Variants in CHST9 observed in about 807,000 individuals in gnomAD.
CHST9 encodes the protein carbohydrate sulfotransferase 9.
Under a neutral mutation model 44.4 loss-of-function variants are expected in CHST9, and 41 were observed. That is an observed-to-expected ratio of 0.92 (90% confidence interval 0.72 to 1.20). The LOEUF is 1.20. Ranked by LOEUF, CHST9 falls within the 50% of genes most tolerant of loss-of-function variation. The pLI is 0.00. For synonymous variants in CHST9, 171 were observed against 178.4 expected, an observed-to-expected ratio of 0.96 and a Z score of 0.33; for missense variants, 504 against 516.5, an observed-to-expected ratio of 0.98 and a Z score of 0.23.
At chr18:27,151,145 T>C (rs1051529076) in intron 1 of CHST9, among the ~76,000 whole-genome samples, 2 of 152,182 alleles carry the variant, frequency 1.3e-5, no homozygotes, top group Non-Finnish European at 2.9e-5. Flanking sequence ...ATGTGACCTT[T>C]ATCATTTATT....
At chr18:27,105,545 G>GGAGAA (rs1159191025) in intron 2 of CHST9, among the ~76,000 whole-genome samples, 3 of 152,130 alleles carry the variant, frequency 2.0e-5, no homozygotes, top group African/African-American at 7.2e-5. Context: ...CCAAAGTAGA[G>GGAGAA]GAGAAGAGAA....
At chr18:27,050,766 G>A (rs888142043) in intron 2 of CHST9, among the ~76,000 whole-genome samples, 1 of 152,042 alleles carries the variant, frequency 6.6e-6, no homozygotes, top group Non-Finnish European at 1.5e-5. Context: ...TTTTCCACTG[G>A]GCAAGCCACT....
At chr18:26,976,366 C>A (rs1052819403) in intron 4 of CHST9, among the ~76,000 whole-genome samples, 5 of 152,058 alleles carry the variant, frequency 3.3e-5, no homozygotes, top group African/African-American at 1.2e-4. Context: ...TTAACTAATT[C>A]TGTTCAGATA....
chr18:27,108,540 TA>T (rs1310820213), intron 2 of CHST9, among the ~76,000 whole-genome samples: 6 of 152,192 alleles, frequency 3.9e-5, no homozygotes, highest in South Asian at 2.1e-4. Context: ...AAAGATAGAT[TA>T]GGGGCAGGAA....
At chr18:27,102,983 T>C (rs2058188395) in intron 2 of CHST9, among the ~76,000 whole-genome samples, 2 of 152,220 alleles carry the variant, frequency 1.3e-5, no homozygotes, top group African/African-American at 4.8e-5. Context: ...AGAGACTCAT[T>C]AGTCTTGAAA....
chr18:26,985,515 C>G (rs2056744110), intron 4 of CHST9, among the ~76,000 whole-genome samples: 1 of 152,114 alleles, frequency 6.6e-6, no homozygotes, highest in African/African-American at 2.4e-5. Flanking sequence ...GGTTGTAACA[C>G]AAGGAGAGAA....
intron 2 of CHST9, among the ~76,000 whole-genome samples, chr18:27,085,513 A>G (rs146174920): frequency 9.8e-5 from 15 of 152,290 alleles, no homozygotes; most frequent in Admixed American, 9.2e-4. Flanking sequence ...AATAAACATG[A>G]GAAAATGCTC....
chr18:27,011,412 C>T (rs1033834061), intron 4 of CHST9, among the ~76,000 whole-genome samples: 3 of 152,160 alleles, frequency 2.0e-5, no homozygotes, highest in East Asian at 1.9e-4. Context: ...GGATGCCGCC[C>T]AGGCAGAATA....
chr18:26,969,282 G>A (rs1472324598), intron 4 of CHST9, among the ~76,000 whole-genome samples: 4 of 152,044 alleles, frequency 2.6e-5, no homozygotes, highest in African/African-American at 7.3e-5. Context: ...GATTACAGGC[G>A]TGAGCCACCG....
intron 1 of CHST9, among the ~76,000 whole-genome samples, chr18:27,148,565 T>A (rs1413303511): frequency 6.7e-6 from 1 of 149,954 alleles, no homozygotes; most frequent in Non-Finnish European, 1.5e-5. Flanking sequence ...GCTTCATCCA[T>A]GTCCCTACAA....
chr18:27,033,112 G>A (rs992361275), intron 3 of CHST9, among the ~76,000 whole-genome samples: 1 of 152,186 alleles, frequency 6.6e-6, no homozygotes, highest in South Asian at 2.1e-4. Context: ...GCAATCTCCA[G>A]AATTCCTCCC....
intron 4 of CHST9, among the ~76,000 whole-genome samples, chr18:27,021,173 G>T (rs568769474): frequency 1.3e-4 from 20 of 152,234 alleles, no homozygotes; most frequent in African/African-American, 4.3e-4. Flanking sequence ...AGACAAGGGT[G>T]GGAGGTGAGA....
At chr18:27,131,530 G>A (rs915075556) in intron 2 of CHST9, among the ~76,000 whole-genome samples, 2 of 152,048 alleles carry the variant, frequency 1.3e-5, no homozygotes, top group South Asian at 4.2e-4. Flanking sequence ...CAGCCTGGGC[G>A]ACACGAGCAA....
intron 2 of CHST9, among the ~76,000 whole-genome samples, chr18:27,126,466 A>G (rs1001703176): frequency 3.3e-5 from 5 of 152,170 alleles, no homozygotes; most frequent in Admixed American, 3.3e-4. Context: ...GGAAGAATAG[A>G]GAGCACAAGG....
At chr18:26,931,150 T>C (rs2055871321) in intron 5 of CHST9, among the ~76,000 whole-genome samples, 3 of 152,162 alleles carry the variant, frequency 2.0e-5, no homozygotes, top group Admixed American at 2.0e-4. Context: ...GATACACATA[T>C]CATAAAGCAG....
At chr18:27,145,553 G>A (rs907924508) in intron 1 of CHST9, among the ~76,000 whole-genome samples, 1 of 152,208 alleles carries the variant, frequency 6.6e-6, no homozygotes, top group African/African-American at 2.4e-5. Context: ...GTTTGTCAGC[G>A]CTACCTAAGA....
At chr18:27,157,580 A>G (rs1356964116) in intron 1 of CHST9, among the ~76,000 whole-genome samples, 3 of 152,136 alleles carry the variant, frequency 2.0e-5, no homozygotes, top group African/African-American at 7.2e-5. Context: ...AGACAACTAA[A>G]TTAAATCCGC....
intron 2 of CHST9, among the ~76,000 whole-genome samples, chr18:27,098,613 T>C (rs1369167102): frequency 1.3e-5 from 2 of 152,176 alleles, no homozygotes; most frequent in Non-Finnish European, 2.9e-5. Context: ...CATGGAATAC[T>C]ATGCAGCCAT....
chr18:27,110,007 A>G (rs1157782065), intron 2 of CHST9, among the ~76,000 whole-genome samples: 3 of 152,174 alleles, frequency 2.0e-5, no homozygotes, highest in African/African-American at 7.2e-5. Context: ...GTCATTTATT[A>G]CCAGGGTGGT....
Sources: allele counts gnomAD v4.1 joint callset (sites outside exome capture counted in the v4.1 genomes callset), GRCh38; gene constraint gnomAD v4.1.1; transcripts MANE v1.5; gene names NCBI Gene and HGNC (gene_info 2026-07-23, HGNC 2026-07-21).